The following VSTM2B variants were observed in gnomAD, a reference collection of about 807,000 sequenced individuals.
VSTM2B encodes the protein V-set and transmembrane domain-containing protein 2B.
Under a neutral mutation model 24.0 loss-of-function variants are expected in VSTM2B, and 24 were observed. The observed-to-expected ratio is 1.00, with a 90% confidence interval of 0.72 to 1.40. The LOEUF (loss-of-function observed/expected upper bound fraction) is 1.40, where lower values mean the gene tolerates loss of function less well. VSTM2B is among the 40% of genes most tolerant of loss of function. The pLI is 0.00. For synonymous variants in VSTM2B, 226 were observed against 194.4 expected (o/e 1.16, Z -1.35); for missense variants, 399 against 416.4 (o/e 0.96, Z 0.36).
In VSTM2B at chr19:29,527,206, C is replaced by T. The variant is rs1969601295; in HGVS notation, c.83-5C>T. On this transcript the variant is annotated splice_region_variant and splice_polypyrimidine_tract_variant and intron_variant, in intron 1 of 4. Coordinates refer to ENST00000335523, the MANE Select transcript of VSTM2B (RefSeq NM_001146339.2). ...TCACGCCTCTCTCTCTCTCCCCACC[C>T]CCAGCTGCATTCACAGAAGTCCCCA... The T allele has an allele frequency of 1.9e-6, 3 of 1,547,430 alleles. No individual in the cohort carries two copies. The highest frequency in any genetic ancestry group is 4.9e-5 in the East Asian group (2 of 40,728).
intron 4 of VSTM2B, among the ~76,000 whole-genome samples, chr19:29,555,870 T>A (rs990024893): frequency 3.9e-5 from 6 of 152,114 alleles, no homozygotes; most frequent in African/African-American, 1.4e-4. Flanking sequence ...AGAAGTTGAA[T>A]CCCTGAATAG....
At chr19:29,560,164 C>T (rs73029499) in intron 4 of VSTM2B, among the ~76,000 whole-genome samples, 12,512 of 152,088 alleles carry the variant, frequency 0.082, 1,108 homozygotes, top group African/African-American at 0.22. Context: ...ACTTCACACC[C>T]GATAATGTTC....
chr19:29,526,581 G>T lies in VSTM2B; in HGVS notation c.-3G>T. ...CCCGCCGCCACCGCGCCCCCCGCGG[G>T]AGATGGAACAGCGGAACCGGCTCGG... On this transcript the variant is annotated 5_prime_UTR_variant, in exon 1 of 5. Coordinates refer to ENST00000335523, the MANE Select transcript of VSTM2B (RefSeq NM_001146339.2). This position sits in a 1 kb window ranked among gnomAD's most constrained non-coding sequence, Gnocchi z 4.1. The T allele has an allele frequency of 6.6e-7, 1 of 1,512,736 alleles. No homozygotes were observed. Among genetic ancestry groups the T allele is most frequent in the Non-Finnish European group, 8.8e-7 (1 of 1,135,888 alleles). 93.7% of individuals were successfully genotyped at this position (1,512,736 alleles called of 1,614,324 possible).
chr19:29,541,721 G>A (rs1970022883), intron 4 of VSTM2B, among the ~76,000 whole-genome samples: 1 of 151,898 alleles, frequency 6.6e-6, no homozygotes, highest in Non-Finnish European at 1.5e-5. Flanking sequence ...TGGATGGGTA[G>A]AAGGAAGGAT....
intron 4 of VSTM2B, among the ~76,000 whole-genome samples, chr19:29,537,713 A>T (rs544729803): frequency 1.7e-5 from 2 of 119,128 alleles, no homozygotes; most frequent in South Asian, 5.1e-4. Flanking sequence ...ACACCCACCT[A>T]CTCTCCCGCA....
In VSTM2B at chr19:29,556,615, A is replaced by T. The variant is rs186112421; in HGVS notation, c.770-7231A>T. Among the ~76,000 whole-genome samples the T allele has an allele frequency of 2.6e-5, 4 of 152,350 alleles. No individual in the cohort carries two copies. The East Asian group carries it at 7.7e-4, about 29-fold the overall frequency. ...AACTGTTTGCAGATGACATGATCCTATATCTAGAAAACCCCATTGTCTCAG... is the reference window on the plus strand; with the variant it reads ...AACTGTTTGCAGATGACATGATCCTTTATCTAGAAAACCCCATTGTCTCAG... On this transcript the variant is annotated intron_variant, in intron 4 of 4. Coordinates refer to ENST00000335523, the MANE Select transcript of VSTM2B (RefSeq NM_001146339.2).
At chr19:29,534,481 G>A (rs1397229511) in intron 4 of VSTM2B, among the ~76,000 whole-genome samples, 4 of 152,138 alleles carry the variant, frequency 2.6e-5, no homozygotes, top group East Asian at 1.9e-4. Flanking sequence ...TTGGAAGGCC[G>A]AGGCGGGTGG....
chr19:29,527,826 C>T (rs73923869), intron 2 of VSTM2B, among the ~76,000 whole-genome samples: 6,648 of 152,250 alleles, frequency 0.044, 193 homozygotes, highest in Middle Eastern at 0.078. Flanking sequence ...ACCGGAAAGC[C>T]GGCAGGACCT....
At position 29,526,855 on chromosome 19, in the gene VSTM2B, G is replaced by C; in HGVS notation, c.82+190G>C. The C allele has an allele frequency of 9.4e-6, 5 of 534,724 alleles. No homozygotes were observed. The highest frequency in any genetic ancestry group is 4.8e-4 in the Middle Eastern group (1 of 2,076). 33.1% of individuals were successfully genotyped at this position (534,724 alleles called of 1,614,324 possible). A position where few individuals can be genotyped will look rare whatever the true frequency, so the allele number is the denominator to read the frequency against. ...TCGCCGCAGCAGCAGCGCCGCGCCC[G>C]AGTCGTTCCCAGTCCCGCCGGGGCC... On this transcript the variant is annotated intron_variant, in intron 1 of 4. Transcript: ENST00000335523. This position sits in a 1 kb window ranked among gnomAD's most constrained non-coding sequence, Gnocchi z 4.1.
chr19:29,548,753 C>T (rs989952263), intron 4 of VSTM2B, among the ~76,000 whole-genome samples: 1 of 152,110 alleles, frequency 6.6e-6, no homozygotes, highest in Non-Finnish European at 1.5e-5. Context: ...GAGAGCCAGC[C>T]CCCTACATGA....
At chr19:29,556,971 AG>A (rs1175591997) in intron 4 of VSTM2B, among the ~76,000 whole-genome samples, 2 of 152,246 alleles carry the variant, frequency 1.3e-5, no homozygotes, top group Non-Finnish European at 2.9e-5. Context: ...AGCAATTTAT[AG>A]ATTCAATGCC....
chr19:29,562,930 G>T (rs772340113), intron 4 of VSTM2B, among the ~76,000 whole-genome samples: 3 of 152,106 alleles, frequency 2.0e-5, no homozygotes, highest in Non-Finnish European at 4.4e-5. Flanking sequence ...GAAGTTGCTG[G>T]GGTCATTTCT....
At chr19:29,533,646 A>G (rs984342233) in intron 4 of VSTM2B, among the ~76,000 whole-genome samples, 1 of 152,198 alleles carries the variant, frequency 6.6e-6, no homozygotes, top group Admixed American at 6.5e-5. Context: ...CCTTGATGCC[A>G]AGGAGGGAAC....
At chr19:29,535,261 G>A (rs1441971145) in intron 4 of VSTM2B, among the ~76,000 whole-genome samples, 1 of 152,196 alleles carries the variant, frequency 6.6e-6, no homozygotes, top group Admixed American at 6.5e-5. Flanking sequence ...AGACCAAGCA[G>A]AGTATCTTCC....
rs535836274 is a variant in VSTM2B at position 29,546,344 on chromosome 19, A to G, written c.769+16054A>G. Among the ~76,000 whole-genome samples, 654 of 152,286 alleles carry G rather than the reference A, an allele frequency of 4.3e-3. 2 individuals are homozygous for G. The highest frequency in any genetic ancestry group is 5.7e-3 in the Non-Finnish European group (390 of 68,014). ...TGGGTGAAAGGGCTTCCAGCTGGCTAAGGAACTTGGACTCATTCATAGGTA... is the reference window on the plus strand; with the variant it reads ...TGGGTGAAAGGGCTTCCAGCTGGCTGAGGAACTTGGACTCATTCATAGGTA... On this transcript the variant is annotated intron_variant, in intron 4 of 4. Coordinates refer to ENST00000335523, the MANE Select transcript of VSTM2B (RefSeq NM_001146339.2).
intron 4 of VSTM2B, among the ~76,000 whole-genome samples, chr19:29,531,437 A>G (rs1969755215): frequency 1.3e-5 from 2 of 152,204 alleles, no homozygotes; most frequent in Admixed American, 1.3e-4. Flanking sequence ...CTCCTGGACT[A>G]CCTGCAGAAT....
chr19:29,547,629 G>A (rs1014024302), intron 4 of VSTM2B, among the ~76,000 whole-genome samples: 5 of 152,158 alleles, frequency 3.3e-5, no homozygotes, highest in African/African-American at 4.8e-5. Flanking sequence ...CTTCCTCCAC[G>A]ACCAGAGAGG....
In VSTM2B at chr19:29,563,851, G is replaced by A. The variant is rs953813690; in HGVS notation, c.775G>A (p.Gly259Ser). 112 of 1,552,026 alleles carry A rather than the reference G, an allele frequency of 7.2e-5. No homozygotes were observed. Among genetic ancestry groups the A allele is most frequent in the Non-Finnish European group, 8.7e-5 (100 of 1,147,078 alleles). Reference protein sequence around the residue: ...LLRQRHGSGTGRSYTTDPLLS... With the variant: ...LLRQRHGSGTSRSYTTDPLLS... ...TGTTTTCTCATCCCCTGCAGGCACC[G>A]GCCGTAGCTACACCACAGACCCACT... The change falls in exon 5 of 5, where the codon GGC (glycine) becomes AGC (serine). Residue 259 changes from glycine to serine, a missense_variant. Coordinates refer to ENST00000335523, the MANE Select transcript of VSTM2B (RefSeq NM_001146339.2).
At chr19:29,529,180 G>T (rs568228777) in intron 3 of VSTM2B, 6 of 966,648 alleles carry the variant, frequency 6.2e-6, no homozygotes, top group Middle Eastern at 5.2e-4. Context: ...GGAGCACTTC[G>T]CTGGGGGGCT....
Sources: gnomAD v4.1 joint callset for allele counts (sites outside exome capture counted in the v4.1 genomes callset) on GRCh38, gnomAD v4.1.1 for gene constraint, Gnocchi (gnomAD v3.1) non-coding constraint, MANE v1.5 for transcripts, NCBI Gene and HGNC (gene_info 2026-07-23, HGNC 2026-07-21) for gene names.